Variants in PLPPR5 observed in about 807,000 individuals in gnomAD.
PLPPR5 encodes phospholipid phosphatase-related protein type 5.
PLPPR5 carries 16 observed loss-of-function variants against 33.9 expected under a neutral mutation model. That is an observed-to-expected ratio of 0.47 (90% CI 0.32 to 0.72). The LOEUF (loss-of-function observed/expected upper bound fraction) is 0.72, where lower values mean the gene tolerates loss of function less well. PLPPR5 is among the 30% of genes least tolerant of loss of function. PLPPR5 has a pLI of 0.03. For synonymous variants in PLPPR5, 163 were observed against 150.3 expected (o/e 1.08, Z -0.62); for missense variants, 301 against 406.7 (o/e 0.74, Z 2.23).
intron 1 of PLPPR5, among the ~76,000 whole-genome samples, chr1:98,995,286 A>C (rs898833726): frequency 2.0e-5 from 3 of 152,116 alleles, no homozygotes; most frequent in Non-Finnish European, 2.9e-5. Flanking sequence ...CAAAGAAGGA[A>C]ACAATAGACA....
chr1:98,963,492 A>G (rs1651320337), intron 1 of PLPPR5, among the ~76,000 whole-genome samples: 1 of 152,166 alleles, frequency 6.6e-6, no homozygotes, highest in Non-Finnish European at 1.5e-5. Context: ...CAATCTTCCC[A>G]TCTCCATAGA....
chr1:98,943,474 T>TA (rs1351709934), intron 3 of PLPPR5, among the ~76,000 whole-genome samples: 1 of 152,154 alleles, frequency 6.6e-6, no homozygotes, highest in Non-Finnish European at 1.5e-5. Flanking sequence ...GGTCCCCTGT[T>TA]AGAGTAGGGA....
At chr1:98,925,856 A>T (rs1649737992) in intron 3 of PLPPR5, among the ~76,000 whole-genome samples, 1 of 152,136 alleles carries the variant, frequency 6.6e-6, no homozygotes, top group Admixed American at 6.5e-5. Flanking sequence ...AACATACACA[A>T]TCCTTCTGTG....
At position 98,925,094 on chromosome 1, in the gene PLPPR5, T is replaced by A. The variant is rs1905000; in HGVS notation, c.622-3036A>T. 2.2e-3 allele frequency among the ~76,000 whole-genome samples: 341 copies of A among 152,096 alleles called. 1 individual carries two copies. The highest frequency in any genetic ancestry group is 7.8e-3 in the African/African-American group (324 of 41,476). On this transcript the variant is annotated intron_variant, in intron 3 of 5. Transcript: ENST00000263177. ...CTTTTTAGCCAGTCTAATTGTGTTA[T>A]CCTTACATAAAGTCTATTATTCTTA...
At chr1:98,906,416 G>T (rs1473343850) in intron 5 of PLPPR5, among the ~76,000 whole-genome samples, 1 of 152,120 alleles carries the variant, frequency 6.6e-6, no homozygotes, top group Non-Finnish European at 1.5e-5. Context: ...GCCACAGGTT[G>T]GGGGCAGGTT....
intron 1 of PLPPR5, among the ~76,000 whole-genome samples, chr1:99,000,702 C>T (rs1652807309): frequency 6.6e-6 from 1 of 152,202 alleles, no homozygotes. Flanking sequence ...TCCTCCTCTT[C>T]TGAACCACTA....
intron 1 of PLPPR5, among the ~76,000 whole-genome samples, chr1:99,000,225 C>A (rs1652778143): frequency 1.3e-5 from 2 of 151,982 alleles, no homozygotes; most frequent in Admixed American, 6.6e-5. Flanking sequence ...GTAAATAAGC[C>A]CAAATTACAG....
At chr1:98,950,456 A>C (rs1650737954) in intron 3 of PLPPR5, among the ~76,000 whole-genome samples, 2 of 152,224 alleles carry the variant, frequency 1.3e-5, no homozygotes, top group East Asian at 3.8e-4. Flanking sequence ...TTTATAATTC[A>C]GAAGTTTATA....
chr1:98,912,387 G>A (rs1160486733), intron 5 of PLPPR5, among the ~76,000 whole-genome samples: 1 of 152,154 alleles, frequency 6.6e-6, no homozygotes, highest in Admixed American at 6.5e-5. Context: ...CATCTAGGCT[G>A]GGTGAAATCT....
intron 5 of PLPPR5, 135 bp from the exon 6 acceptor site, chr1:98,893,239 TAA>T: frequency 1.4e-6 from 1 of 690,684 alleles, no homozygotes; most frequent in African/African-American, 1.9e-5. Flanking sequence ...ATTATTAAAC[TAA>T]GTTTTATGTA....
chr1:98,937,860 G>A (rs942656360), intron 3 of PLPPR5, among the ~76,000 whole-genome samples: 15 of 152,182 alleles, frequency 9.9e-5, no homozygotes, highest in African/African-American at 3.4e-4. Flanking sequence ...ATTGATATAA[G>A]TTGAAATAAC....
Position 98,956,642 on chromosome 1 carries a change from T to G in PLPPR5, c.337A>C (p.Asn113His). 1.3e-6 allele frequency: 2 copies of G among 1,597,406 alleles called. No homozygotes were observed. The highest frequency in any genetic ancestry group is 1.7e-6 in the Non-Finnish European group (2 of 1,174,388). ...TILTGDCCYINPLVRRTVRFL... is the reference protein window; with the variant it reads ...TILTGDCCYIHPLVRRTVRFL... The stretch of plus-strand genomic sequence containing the variant: ...CGGACAGTTCGGCGCACCAGCGGGT[T>G]TATATAGCAACAGTCTCCAGTTAAA... The change falls in exon 2 of 6, where the codon AAC (asparagine) becomes CAC (histidine). Residue 113 changes from asparagine to histidine, a missense_variant. By Grantham distance (68) the Asn-to-His change is moderately conservative. Transcript: ENST00000263177.
chr1:98,910,020 A>T (rs995638779), intron 5 of PLPPR5, among the ~76,000 whole-genome samples: 1 of 152,232 alleles, frequency 6.6e-6, no homozygotes, highest in African/African-American at 2.4e-5. Flanking sequence ...TTGCTGGCAT[A>T]AAAATAACGA....
At chr1:98,963,415 C>A (rs527253512) in intron 1 of PLPPR5, among the ~76,000 whole-genome samples, 8 of 152,296 alleles carry the variant, frequency 5.3e-5, no homozygotes, top group Admixed American at 3.3e-4. Flanking sequence ...TATCTTTAAA[C>A]TTCTACTATT....
intron 5 of PLPPR5, among the ~76,000 whole-genome samples, chr1:98,910,824 A>G (rs1649115397): frequency 6.6e-6 from 1 of 152,016 alleles, no homozygotes; most frequent in Non-Finnish European, 1.5e-5. Context: ...ACAGGGTAGA[A>G]AAGCCATGCA....
rs374194068 is a variant in PLPPR5 at position 98,955,850 on chromosome 1, T to A, written c.370+759A>T. On this transcript the variant is annotated intron_variant, in intron 2 of 5. Transcript: ENST00000263177. Reference sequence around the variant, plus strand: ...CATTTAGCATATACACTTATTTTTATCTGATAAATCCAGGAAACAATTATT... The same window carrying A: ...CATTTAGCATATACACTTATTTTTAACTGATAAATCCAGGAAACAATTATT... 4.9e-4 allele frequency among the ~76,000 whole-genome samples: 75 copies of A among 152,254 alleles called. 1 individual carries two copies. The highest frequency in any genetic ancestry group is 2.9e-3 in the East Asian group (15 of 5,192).
At chr1:98,910,126 C>T (rs1314239351) in intron 5 of PLPPR5, among the ~76,000 whole-genome samples, 13 of 152,154 alleles carry the variant, frequency 8.5e-5, no homozygotes, top group African/African-American at 2.7e-4. Flanking sequence ...AACTTCTAAA[C>T]GAAACCCTTT....
At chr1:99,000,273 A>C (rs1652783582) in intron 1 of PLPPR5, among the ~76,000 whole-genome samples, 2 of 152,234 alleles carry the variant, frequency 1.3e-5, no homozygotes, top group South Asian at 4.1e-4. Context: ...ATATTAGACA[A>C]TGCAAAATAA....
intron 1 of PLPPR5, among the ~76,000 whole-genome samples, chr1:99,001,281 C>A (rs965300324): frequency 1.3e-5 from 2 of 151,806 alleles, no homozygotes. Context: ...ACTACAGGCG[C>A]CCGCCACCAT....
Sources: allele counts gnomAD v4.1 joint callset (sites outside exome capture counted in the v4.1 genomes callset), GRCh38; gene constraint gnomAD v4.1.1; transcripts MANE v1.5; gene names NCBI Gene and HGNC (gene_info 2026-07-23, HGNC 2026-07-21).